The following PARN variants were observed in gnomAD, a reference collection of about 807,000 sequenced individuals.
PARN encodes poly(A)-specific ribonuclease PARN.
Under a neutral mutation model 102.8 loss-of-function variants are expected in PARN, and 71 were observed. That is an observed-to-expected ratio of 0.69 (90% confidence interval 0.57 to 0.84). PARN has a LOEUF of 0.84. PARN is among the 40% of genes least tolerant of loss of function. The pLI is 0.00. For missense variants in PARN, 782 were observed against 760.9 expected (o/e 1.03, Z -0.33); for synonymous variants, 261 against 252.9 (o/e 1.03, Z -0.30).
intron 5 of PARN, among the ~76,000 whole-genome samples, chr16:14,622,073 G>C (rs1972340934): frequency 6.6e-6 from 1 of 151,970 alleles, no homozygotes; most frequent in African/African-American, 2.4e-5. Flanking sequence ...CGCATCTGTA[G>C]ACCCAACTAC....
intron 9 of PARN, among the ~76,000 whole-genome samples, 151 bp from the exon 10 acceptor site, chr16:14,606,677 T>A (rs534757330): frequency 6.6e-6 from 1 of 152,202 alleles, no homozygotes; most frequent in Non-Finnish European, 1.5e-5. Flanking sequence ...AGCACATTTA[T>A]TTTATAACGT....
intron 6 of PARN, among the ~76,000 whole-genome samples, chr16:14,613,521 G>A (rs1005708746): frequency 1.3e-5 from 2 of 152,110 alleles, no homozygotes; most frequent in African/African-American, 4.8e-5. Context: ...TACTCAGGAG[G>A]CTGAGGTGGG....
Position 14,610,745 on chromosome 16 carries a change from T to A in PARN, c.453A>T (p.Ser151=), listed in dbSNP as rs911902351. 17 of 1,609,806 alleles carry A rather than the reference T, an allele frequency of 1.1e-5. No homozygotes were observed. Among genetic ancestry groups the A allele is most frequent in the Non-Finnish European group, 1.4e-5 (17 of 1,176,242 alleles). The change falls in exon 7 of 24, where the codon TCA becomes TCT. Residue 151 remains serine (S), a synonymous_variant. Transcript: ENST00000437198. The part of the protein sequence containing the change: ...QLREQYDEKR[S]QANGAGALSY... ...ACAGAGCTCCTGCACCATTCGCCTGTGAACGTTTTTCATCATACTGCTCTC... is the reference window on the plus strand; with the variant it reads ...ACAGAGCTCCTGCACCATTCGCCTGAGAACGTTTTTCATCATACTGCTCTC...
At chr16:14,605,037 T>G (rs1971099347) in intron 10 of PARN, among the ~76,000 whole-genome samples, 1 of 152,196 alleles carries the variant, frequency 6.6e-6, no homozygotes. Context: ...ATTTCTGGGT[T>G]CAGATGATCC....
intron 22 of PARN, among the ~76,000 whole-genome samples, chr16:14,479,971 T>C (rs1014070395): frequency 6.8e-6 from 1 of 146,692 alleles, no homozygotes; most frequent in Non-Finnish European, 1.5e-5. Context: ...TAGACAAAGA[T>C]TTTGGGGGAG....
intron 21 of PARN, 87 bp from the exon 22 acceptor site, chr16:14,482,914 G>T: frequency 8.7e-7 from 1 of 1,150,328 alleles, no homozygotes; most frequent in Non-Finnish European, 1.2e-6. Flanking sequence ...GCCTAAGGTG[G>T]TCAAAGGAGC....
chr16:14,573,162 T>G (rs1968910577), intron 18 of PARN, among the ~76,000 whole-genome samples: 1 of 152,228 alleles, frequency 6.6e-6, no homozygotes, highest in Non-Finnish European at 1.5e-5. Context: ...ATTATAGGCA[T>G]GAGCCACCAT....
chr16:14,539,109 A>G (rs1966741553), intron 21 of PARN, among the ~76,000 whole-genome samples: 2 of 152,222 alleles, frequency 1.3e-5, no homozygotes, highest in African/African-American at 2.4e-5. Context: ...AATAAATGTA[A>G]TGTGCTTGAA....
At chr16:14,523,110 C>T (rs1050769393) in intron 21 of PARN, among the ~76,000 whole-genome samples, 1 of 151,774 alleles carries the variant, frequency 6.6e-6, no homozygotes, top group African/African-American at 2.4e-5. Flanking sequence ...ATAAAGTTAT[C>T]GGACAAAAAT....
chr16:14,537,757 G>A (rs1966672629), intron 21 of PARN, among the ~76,000 whole-genome samples: 1 of 152,122 alleles, frequency 6.6e-6, no homozygotes, highest in Admixed American at 6.6e-5. Flanking sequence ...GTATAATTGG[G>A]AGTATTAAAG....
chr16:14,458,378 T>C (rs1185151917), intron 22 of PARN, among the ~76,000 whole-genome samples: 1 of 152,168 alleles, frequency 6.6e-6, no homozygotes, highest in Non-Finnish European at 1.5e-5. Flanking sequence ...ACATCATCCC[T>C]GCAAACCAAA....
At chr16:14,493,256 C>CGAA (rs1163483850) in intron 21 of PARN, among the ~76,000 whole-genome samples, 2 of 152,066 alleles carry the variant, frequency 1.3e-5, no homozygotes, top group African/African-American at 4.8e-5. Context: ...CGCTCTGTTC[C>CGAA]CCAGGCTGGA....
chr16:14,542,676 T>C (rs1242850916), intron 21 of PARN, among the ~76,000 whole-genome samples: 1 of 151,818 alleles, frequency 6.6e-6, no homozygotes, highest in Non-Finnish European at 1.5e-5. Flanking sequence ...AACTAAAGTA[T>C]ACAATATATG....
chr16:14,459,368 T>C (rs1961843180), intron 22 of PARN, among the ~76,000 whole-genome samples: 1 of 152,254 alleles, frequency 6.6e-6, no homozygotes, highest in South Asian at 2.1e-4. Context: ...TATATTTCTT[T>C]ATATTAGCAA....
At chr16:14,611,590 G>A (rs936440421) in intron 6 of PARN, among the ~76,000 whole-genome samples, 2 of 152,150 alleles carry the variant, frequency 1.3e-5, no homozygotes, top group Non-Finnish European at 2.9e-5. Flanking sequence ...ACCCAGGCTG[G>A]CATGCAATGG....
At chr16:14,508,169 T>TAGGCAGGCAGGCAGGCAGGC (rs141732478) in intron 21 of PARN, among the ~76,000 whole-genome samples, 1 of 151,796 alleles carries the variant, frequency 6.6e-6, no homozygotes, top group African/African-American at 2.4e-5. Context: ...ACAAATAACA[T>TAGGCAGGCAGGCAGGCAGGC]AGGCAGGCAG....
At chr16:14,578,352 A>AC (rs1456328455) in intron 18 of PARN, among the ~76,000 whole-genome samples, 1 of 147,758 alleles carries the variant, frequency 6.8e-6, no homozygotes, top group Non-Finnish European at 1.5e-5. Flanking sequence ...AAAAAAAAAA[A>AC]GAGGAATAAA....
chr16:14,512,254 C>T (rs981981755), intron 21 of PARN, among the ~76,000 whole-genome samples: 3 of 152,182 alleles, frequency 2.0e-5, no homozygotes, highest in Non-Finnish European at 4.4e-5. Flanking sequence ...GTAATCCCAA[C>T]ATTTTGGGAG....
At chr16:14,600,728 C>T (rs1223796495) in intron 11 of PARN, among the ~76,000 whole-genome samples, 5 of 152,054 alleles carry the variant, frequency 3.3e-5, no homozygotes, top group African/African-American at 1.2e-4. Context: ...GTCGGGAGTT[C>T]GAGACCAGCC....
Sources: allele counts gnomAD v4.1 joint callset (sites outside exome capture counted in the v4.1 genomes callset), GRCh38; gene constraint gnomAD v4.1.1; transcripts MANE v1.5; gene names NCBI Gene and HGNC (gene_info 2026-07-23, HGNC 2026-07-21).